The following ALDH3A2 variants were observed in gnomAD, a reference collection of about 807,000 sequenced individuals.
ALDH3A2 encodes aldehyde dehydrogenase 3 family member A2, also known as aldehyde dehydrogenase family 3 member A2.
A neutral mutation model predicts 51.3 loss-of-function variants in ALDH3A2; 36 were observed. The observed-to-expected ratio is 0.70, with a 90% CI of 0.54 to 0.93. The LOEUF (loss-of-function observed/expected upper bound fraction) is 0.93. Ranked by LOEUF, ALDH3A2 falls within the 40% of genes least tolerant of loss-of-function variation. The pLI is 0.00. For synonymous variants in ALDH3A2, 199 were observed against 219.8 expected, an observed-to-expected ratio of 0.91 and a Z score of 0.84; for missense variants, 552 against 603.1, an observed-to-expected ratio of 0.92 and a Z score of 0.89.
intron 3 of ALDH3A2, among the ~76,000 whole-genome samples, chr17:19,653,471 C>T (rs535203665): frequency 2.6e-5 from 4 of 152,266 alleles, no homozygotes; most frequent in South Asian, 2.1e-4. Flanking sequence ...CGGACATGTT[C>T]GGAGTTTCTT....
upstream of ALDH3A2, chr17:19,648,656 C>G: frequency 4.5e-6 from 2 of 440,050 alleles, no homozygotes; most frequent in South Asian, 4.8e-5. Flanking sequence ...CTGCCAGAGC[C>G]GGGGAGAGGG....
rs1465478671 is a variant in ALDH3A2 at position 19,675,895 on chromosome 17, C to G, written c.*323C>G. The G allele has an allele frequency of 7.7e-6, 3 of 390,070 alleles. No homozygotes were observed. The highest frequency in any genetic ancestry group is 1.4e-5 in the Non-Finnish European group (3 of 207,938). The allele number at this position is 390,070 out of a possible 1,614,324, so 24.2% of individuals were successfully genotyped here. A position where few individuals can be genotyped will look rare whatever the true frequency, so the allele number is the denominator to read the frequency against. Reference sequence around the variant, plus strand: ...AGGGAGTCTCAGAACCTCACTGAATCCTTCACTCCAGTTAATGGCACTGCT... The same window carrying G: ...AGGGAGTCTCAGAACCTCACTGAATGCTTCACTCCAGTTAATGGCACTGCT... On this transcript the variant is annotated 3_prime_UTR_variant, in exon 10 of 10. Coordinates refer to ENST00000176643, the MANE Select transcript of ALDH3A2 (RefSeq NM_000382.3).
intron 9 of ALDH3A2, chr17:19,674,583 C>T (rs939191878): frequency 6.6e-5 from 10 of 152,214 alleles, no homozygotes; most frequent in South Asian, 4.1e-4. Context: ...TCAGCTTGCT[C>T]ATCTACAGGG....
chr17:19,663,200 A>G, intron 6 of ALDH3A2, 133 bp from the exon 7 acceptor site: 1 of 1,029,262 alleles, frequency 9.7e-7, no homozygotes, highest in Non-Finnish European at 1.5e-6. Flanking sequence ...CCACGTGCTC[A>G]GGATTTTTCA....
intron 5 of ALDH3A2, among the ~76,000 whole-genome samples, chr17:19,658,684 G>T (rs1046264706): frequency 4.6e-5 from 7 of 151,114 alleles, no homozygotes; most frequent in African/African-American, 1.7e-4. Context: ...GGAGGCAAAG[G>T]TTGCAGTGAG....
chr17:19,652,449 A>C, intron 2 of ALDH3A2, 98 bp from the exon 3 acceptor site: 2 of 868,468 alleles, frequency 2.3e-6, no homozygotes, highest in Non-Finnish European at 3.9e-6. Flanking sequence ...TGCAGAAATA[A>C]TTGGGAGTAC....
At position 19,657,689 on chromosome 17, in the gene ALDH3A2, T is replaced by C. The variant is rs773802049; in HGVS notation, c.681-56T>C. On this transcript the variant is annotated intron_variant, in intron 4 of 9. Transcript: ENST00000176643. The stretch of plus-strand genomic sequence containing the variant: ...CATTCAAACAACACAATGTAACAAA[T>C]GAATATTTGACTGAATTACTGAATT... 7 of 1,221,664 alleles carry C rather than the reference T, an allele frequency of 5.7e-6. No individual in the cohort carries two copies. The Admixed American group carries it at 1.3e-4, about 23-fold the overall frequency. The allele number at this position is 1,221,664 out of a possible 1,614,324, so 75.7% of individuals were successfully genotyped here.
At position 19,663,349 on chromosome 17, in the gene ALDH3A2, C is replaced by T. The variant is rs886052690; in HGVS notation, c.957C>T (p.Thr319=). 14 of 1,613,826 alleles carry T rather than the reference C, an allele frequency of 8.7e-6. No individual in the cohort carries two copies. The highest frequency in any genetic ancestry group is 5.0e-5 in the Admixed American group (3 of 59,984). ...ATRYIAPTVL[T]DVDPKTKVMQ... is the part of the protein sequence containing the mutation. ...TCTTTTTAGCCCCAACAGTACTTAC[C>T]GATGTTGATCCTAAAACCAAGGTGA... Residue 319 remains threonine (T), a synonymous_variant, in exon 7 of 10, where the codon ACC becomes ACT. Transcript: ENST00000176643.
At chr17:19,663,016 C>A (rs1287861631) in intron 6 of ALDH3A2, among the ~76,000 whole-genome samples, 6 of 151,986 alleles carry the variant, frequency 3.9e-5, no homozygotes, top group African/African-American at 7.2e-5. Context: ...AAAAAAAAAA[C>A]CTGTCCACAG....
chr17:19,657,631 A>G lies in ALDH3A2; in HGVS notation c.681-114A>G, dbSNP rs565848736. 14 of 828,454 alleles carry G rather than the reference A, an allele frequency of 1.7e-5. No homozygotes were observed. In the African/African-American group the frequency reaches 2.1e-4, roughly 12 times the overall value. The allele number at this position is 828,454 out of a possible 1,614,324, so 51.3% of individuals were successfully genotyped here. On this transcript the variant is annotated intron_variant, in intron 4 of 9. Transcript: ENST00000176643. ...TTTTAACTTTTTTATAAAAATTGCC[A>G]GATAAATATATGAATCTATTTTAGT...
chr17:19,649,213 T>C, intron 1 of ALDH3A2, 89 bp downstream of exon 1: 1 of 1,491,886 alleles, frequency 6.7e-7, no homozygotes, highest in Non-Finnish European at 9.0e-7. Flanking sequence ...TTTTTGCTTT[T>C]ACATTTCGGA....
rs2085209202 is a variant in ALDH3A2 at position 19,677,496 on chromosome 17, TA to T, written c.*1926del. ...TATTTCATAAAATTGGCATCAATTTTAATGACGCTCCTGGTATGGAACCTCA... is the reference window on the plus strand; with the variant it reads ...TATTTCATAAAATTGGCATCAATTTTATGACGCTCCTGGTATGGAACCTCA... On this transcript the variant is annotated 3_prime_UTR_variant, in exon 10 of 10. Coordinates refer to ENST00000176643, the MANE Select transcript of ALDH3A2 (RefSeq NM_000382.3). The T allele has an allele frequency of 6.6e-6, 1 of 152,224 alleles. No individual in the cohort carries two copies. The highest frequency in any genetic ancestry group is 1.5e-5 in the Non-Finnish European group (1 of 68,038). The allele number at this position is 152,224 out of a possible 1,614,324, so 9.4% of individuals were successfully genotyped here. A position where few individuals can be genotyped will look rare whatever the true frequency, so the allele number is the denominator to read the frequency against.
rs1349096355 is a variant in ALDH3A2, at chr17:19,648,869, C to T, written c.-103C>T. 5.5e-6 allele frequency: 8 copies of T among 1,453,998 alleles called. No individual in the cohort carries two copies. The highest frequency in any genetic ancestry group is 7.4e-6 in the Non-Finnish European group (8 of 1,076,340). The allele number at this position is 1,453,998 out of a possible 1,614,324, so 90.1% of individuals were successfully genotyped here. On this transcript the variant is annotated 5_prime_UTR_variant, in exon 1 of 10. Transcript: ENST00000176643. ...GTGGGTTGACGGTGGAGACACCCCC[C>T]GGAGGGAGGCGGAGGGAAGGGAGGC...
At chr17:19,673,073 T>C in intron 9 of ALDH3A2, 1 of 1,588,418 alleles carries the variant, frequency 6.3e-7, no homozygotes, top group Non-Finnish European at 8.6e-7. Context: ...TGAAAGGGGT[T>C]TGGCTCATCT....
rs778528713 is a variant in ALDH3A2 at position 19,663,393 on chromosome 17, G to T, written c.1001G>T (p.Gly334Val). 1.2e-6 allele frequency: 2 copies of T among 1,614,036 alleles called. No homozygotes were observed. The highest frequency in any genetic ancestry group is 1.7e-6 in the Non-Finnish European group (2 of 1,180,000). The change falls in exon 7 of 10, where the codon GGA becomes GTA. Residue 334 changes from glycine (G) to valine (V), a missense_variant. Coordinates refer to ENST00000176643, the MANE Select transcript of ALDH3A2 (RefSeq NM_000382.3). Reference sequence around the variant, plus strand: ...AAGGTGATGCAAGAAGAAATTTTTGGACCAATTCTTCCAATAGTGCCTGTG... The same window carrying T: ...AAGGTGATGCAAGAAGAAATTTTTGTACCAATTCTTCCAATAGTGCCTGTG... ...KTKVMQEEIF[G>V]PILPIVPVKN...
At chr17:19,666,047 T>C (rs1192792440) in intron 8 of ALDH3A2, among the ~76,000 whole-genome samples, 3 of 151,652 alleles carry the variant, frequency 2.0e-5, no homozygotes, top group Non-Finnish European at 4.4e-5. Context: ...CTGACATGAG[T>C]GAGGGACAGG....
chr17:19,665,134 A>G (rs2085018795), intron 8 of ALDH3A2, 87 bp downstream of exon 8: 1 of 1,191,840 alleles, frequency 8.4e-7, no homozygotes, highest in Non-Finnish European at 1.2e-6. Context: ...TGAAATAGCC[A>G]GCTGTTGCGT....
At chr17:19,667,646 A>G (rs899679982) in intron 8 of ALDH3A2, among the ~76,000 whole-genome samples, 1 of 151,714 alleles carries the variant, frequency 6.6e-6, no homozygotes, top group Non-Finnish European at 1.5e-5. Flanking sequence ...GCAACCTCCA[A>G]CTCCTGGGTT....
At chr17:19,657,644 A>T in intron 4 of ALDH3A2, 101 bp from the exon 5 acceptor site, 1 of 894,692 alleles carries the variant, frequency 1.1e-6, no homozygotes, top group Admixed American at 1.8e-5. Flanking sequence ...TAAATATATG[A>T]ATCTATTTTA....
Sources: gnomAD v4.1 joint callset for allele counts (sites outside exome capture counted in the v4.1 genomes callset) on GRCh38, gnomAD v4.1.1 for gene constraint, MANE v1.5 for transcripts, NCBI Gene and HGNC (gene_info 2026-07-23, HGNC 2026-07-21) for gene names.